Variants in SFMBT1 observed in about 807,000 individuals in gnomAD.
The protein encoded by SFMBT1 is scm-like with four MBT domains protein 1.
In SFMBT1, 32 loss-of-function variants were observed where a neutral mutation model predicts 108.7. The ratio of observed to expected loss-of-function variants is 0.29; its 90% CI spans 0.22 to 0.40. The LOEUF (loss-of-function observed/expected upper bound fraction) is 0.40. Among genes scored for constraint, SFMBT1 ranks in the 10% least tolerant of loss-of-function variants. The probability of loss-of-function intolerance (pLI) is 1.00; values close to 1 mark genes in which losing one functional copy is unlikely to be tolerated. For missense variants in SFMBT1, 816 were observed against 1,059.6 expected, an observed-to-expected ratio of 0.77 and a Z score of 3.19; for synonymous variants, 348 against 369.5, an observed-to-expected ratio of 0.94 and a Z score of 0.67.
At chr3:52,974,438 T>A (rs1704446256) in intron 1 of SFMBT1, among the ~76,000 whole-genome samples, 1 of 152,216 alleles carries the variant, frequency 6.6e-6, no homozygotes, top group Non-Finnish European at 1.5e-5. Context: ...TCTGTCAGCC[T>A]TTCACTCTTA....
intron 4 of SFMBT1, among the ~76,000 whole-genome samples, chr3:52,937,859 G>A (rs951042550): frequency 6.6e-6 from 1 of 152,134 alleles, no homozygotes; most frequent in Non-Finnish European, 1.5e-5. Context: ...GGGATTACAG[G>A]AGTGAGCCAC....
chr3:52,971,163 T>A (rs1704328610), intron 1 of SFMBT1, among the ~76,000 whole-genome samples: 4 of 150,576 alleles, frequency 2.7e-5, no homozygotes, highest in Admixed American at 2.0e-4. Flanking sequence ...AGTGGGGAGG[T>A]AAGGAAACCT....
At position 52,969,043 on chromosome 3, in the gene SFMBT1, C is replaced by A. The variant is rs184814775; in HGVS notation, c.28+58G>T. 6 of 1,591,996 alleles carry A rather than the reference C, an allele frequency of 3.8e-6. No individual in the cohort carries two copies. In the East Asian group the frequency reaches 1.3e-4, roughly 36 times the overall value. On this transcript the variant is annotated intron_variant, in intron 2 of 20. Coordinates refer to ENST00000394752, the MANE Select transcript of SFMBT1 (RefSeq NM_016329.4). ...TGGTAGAGAAACAGACAATATAACA[C>A]AGGCAAGTAATATAATTGTGCATCC...
At chr3:53,005,696 A>T (rs1449705532) in intron 1 of SFMBT1, among the ~76,000 whole-genome samples, 1 of 152,172 alleles carries the variant, frequency 6.6e-6, no homozygotes, top group Non-Finnish European at 1.5e-5. Context: ...ACAACACACA[A>T]CATGTGTTTC....
chr3:52,907,635 T>C lies in SFMBT1; in HGVS notation c.2005A>G (p.Lys669Glu), dbSNP rs1459778923. 1 of 1,614,212 alleles carries C rather than the reference T, an allele frequency of 6.2e-7. No homozygotes were observed. Among genetic ancestry groups the C allele is most frequent in the East Asian group, 2.2e-5 (1 of 44,870 alleles). ...CALKKASKRR[K>E]RRKNVFVHKK... Reference sequence around the variant, plus strand: ...TGAACAAAAACATTTTTCCGCCTCTTTCTCCTCTTACTGGCTTTTTTCAGG... The same window carrying C: ...TGAACAAAAACATTTTTCCGCCTCTCTCTCCTCTTACTGGCTTTTTTCAGG... Residue 669 changes from lysine (K) to glutamate (E), a missense_variant, in exon 18 of 21, where the codon AAG (lysine) becomes GAG (glutamate). Physicochemically the swap from Lys to Glu is moderately conservative, Grantham distance 56. Around this residue, in one of 5 missense-constraint regions of SFMBT1, gnomAD observed 177 missense variants for 182.0 expected, o/e 0.97. Transcript: ENST00000394752.
chr3:52,909,193 TC>T (rs1039990190), intron 17 of SFMBT1, among the ~76,000 whole-genome samples: 1 of 152,234 alleles, frequency 6.6e-6, no homozygotes, highest in African/African-American at 2.4e-5. Flanking sequence ...TAGGCTAATT[TC>T]AACTATATTA....
At position 53,002,888 on chromosome 3, in the gene SFMBT1, G is replaced by A. The variant is rs1266182663; in HGVS notation, c.-130-33630C>T. Among the ~76,000 whole-genome samples, 37 of 149,870 alleles carry A rather than the reference G, an allele frequency of 2.5e-4. 2 individuals are homozygous for A. The highest frequency in any genetic ancestry group is 2.1e-3 in the Admixed American group (31 of 14,812). ...GTCTAGTTATTGGGTGTTTTCCCCC[G>A]CTCTCTGGTCCTGGCTGAGGCAAGC... On this transcript the variant is annotated intron_variant, in intron 1 of 20. Transcript: ENST00000394752.
intron 2 of SFMBT1, among the ~76,000 whole-genome samples, chr3:52,957,386 A>G (rs973430498): frequency 2.6e-5 from 4 of 152,234 alleles, no homozygotes; most frequent in Non-Finnish European, 5.9e-5. Flanking sequence ...TATCATGAAA[A>G]TGGTCATACT....
In SFMBT1 at chr3:52,907,669, T is replaced by C. The variant is rs1466627588; in HGVS notation, c.1971A>G (p.Leu657=). Residue 657 remains leucine (L), a synonymous_variant, in exon 18 of 21, where the codon TTA becomes TTG. Transcript: ENST00000394752. The part of the protein sequence containing the change: ...IGRPPGGHSN[L]ACALKKASKR... ...TACTGGCTTTTTTCAGGGCACAAGC[T>C]AAGTTACTATGCCCACCAGGTGGCC... is the stretch of plus-strand genomic sequence containing the variant. The C allele has an allele frequency of 1.2e-6, 2 of 1,614,264 alleles. No individual in the cohort carries two copies. The highest frequency in any genetic ancestry group is 2.2e-5 in the South Asian group (2 of 91,088).
At chr3:53,016,515 G>C (rs1348972489) in intron 1 of SFMBT1, among the ~76,000 whole-genome samples, 1 of 152,194 alleles carries the variant, frequency 6.6e-6, no homozygotes, top group African/African-American at 2.4e-5. Flanking sequence ...CAAATCTAGT[G>C]AGTGTGTAAT....
chr3:52,968,793 C>T (rs1318122664), intron 2 of SFMBT1, among the ~76,000 whole-genome samples: 1 of 152,002 alleles, frequency 6.6e-6, no homozygotes, highest in East Asian at 1.9e-4. Context: ...CGGGGTTTCA[C>T]CGTGTTAGCC....
chr3:52,942,718 T>A (rs577087780), intron 4 of SFMBT1, among the ~76,000 whole-genome samples: 6 of 152,228 alleles, frequency 3.9e-5, no homozygotes, highest in Non-Finnish European at 8.8e-5. Flanking sequence ...TTTTGCCATG[T>A]TGGCCAGGCT....
At chr3:52,972,099 T>A (rs1704367257) in intron 1 of SFMBT1, among the ~76,000 whole-genome samples, 1 of 152,230 alleles carries the variant, frequency 6.6e-6, no homozygotes, top group South Asian at 2.1e-4. Context: ...TAGAACGAAG[T>A]CAGTGCTAAA....
chr3:52,974,687 A>G (rs1014064608), intron 1 of SFMBT1, among the ~76,000 whole-genome samples: 7 of 152,120 alleles, frequency 4.6e-5, no homozygotes, highest in Admixed American at 1.3e-4. Context: ...TTAGCCACTC[A>G]TATCATCTAA....
At chr3:52,927,806 C>A (rs1256388744) in intron 9 of SFMBT1, among the ~76,000 whole-genome samples, 1 of 152,156 alleles carries the variant, frequency 6.6e-6, no homozygotes, top group South Asian at 2.1e-4. Context: ...TCTGGCTCTA[C>A]GGCCTCTTCT....
chr3:53,032,454 TG>T (rs1699719042), intron 1 of SFMBT1, among the ~76,000 whole-genome samples: 1 of 152,010 alleles, frequency 6.6e-6, no homozygotes, highest in Non-Finnish European at 1.5e-5. Flanking sequence ...GTGGTAGAGG[TG>T]GGCAGGGAAC....
chr3:52,934,953 A>G (rs1702964203), intron 4 of SFMBT1, 52 bp from the exon 5 acceptor site: 1 of 1,459,580 alleles, frequency 6.9e-7, no homozygotes, highest in South Asian at 1.2e-5. Context: ...CACAGAATGC[A>G]GAGAAACCGA....
At position 52,969,398 on chromosome 3, in the gene SFMBT1, T is replaced by C. The variant is rs576693733; in HGVS notation, c.-130-140A>G. The C allele has an allele frequency of 1.1e-5, 8 of 751,296 alleles. No individual in the cohort carries two copies. In the African/African-American group the frequency reaches 1.2e-4, roughly 12 times the overall value. The allele number at this position is 751,296 out of a possible 1,614,324, so 46.5% of individuals were successfully genotyped here. A position where few individuals can be genotyped will look rare whatever the true frequency, so the allele number is the denominator to read the frequency against. On this transcript the variant is annotated intron_variant, in intron 1 of 20. Transcript: ENST00000394752. ...GAATAGATAGGACTGGAGGAAAAAA[T>C]TGATACCTTTTCTAATTTTGAAGAG...
chr3:52,920,986 G>A (rs1702505832), intron 11 of SFMBT1, among the ~76,000 whole-genome samples: 2 of 152,134 alleles, frequency 1.3e-5, no homozygotes, highest in South Asian at 2.1e-4. Flanking sequence ...GAAACCAAAT[G>A]GCAAAGGTGA....
Sources: gnomAD v4.1 joint callset for allele counts (sites outside exome capture counted in the v4.1 genomes callset) on GRCh38, gnomAD v4.1.1 for gene constraint, gnomAD v4.1.1 regional missense constraint, MANE v1.5 for transcripts, NCBI Gene and HGNC (gene_info 2026-07-23, HGNC 2026-07-21) for gene names.